The following BMPER variants were observed in gnomAD, a reference collection of about 807,000 sequenced individuals.
BMPER encodes the protein BMP-binding endothelial regulator protein.
Under a neutral mutation model 87.3 loss-of-function variants are expected in BMPER, and 45 were observed. The ratio of observed to expected loss-of-function variants is 0.52; its 90% CI spans 0.41 to 0.66. The LOEUF is 0.66. Among genes scored for constraint, BMPER ranks in the 30% least tolerant of loss-of-function variants. BMPER has a pLI of 0.00. For synonymous variants in BMPER, 326 were observed against 316.2 expected (o/e 1.03, Z -0.33); for missense variants, 784 against 867.5 (o/e 0.90, Z 1.21).
At chr7:33,914,544 C>A (rs1340248487) in intron 2 of BMPER, among the ~76,000 whole-genome samples, 1 of 152,124 alleles carries the variant, frequency 6.6e-6, no homozygotes, top group Non-Finnish European at 1.5e-5. Context: ...GCTTGATAGA[C>A]CTTCAAGGTA....
chr7:34,143,900 T>C (rs1272791176), intron 14 of BMPER, among the ~76,000 whole-genome samples: 1 of 152,194 alleles, frequency 6.6e-6, no homozygotes, highest in Non-Finnish European at 1.5e-5. Flanking sequence ...TGTTACAAAG[T>C]GGCTAGGTAG....
intron 2 of BMPER, among the ~76,000 whole-genome samples, chr7:33,924,570 G>A (rs991953550): frequency 6.6e-6 from 1 of 152,210 alleles, no homozygotes; most frequent in Non-Finnish European, 1.5e-5. Context: ...CCAGTGCCTG[G>A]AGCACACATA....
chr7:34,109,768 A>G (rs1789913920), intron 13 of BMPER, among the ~76,000 whole-genome samples: 1 of 152,140 alleles, frequency 6.6e-6, no homozygotes, highest in Non-Finnish European at 1.5e-5. Context: ...TGAGAAATTC[A>G]TTTTCTTTAC....
intron 9 of BMPER, among the ~76,000 whole-genome samples, chr7:34,057,309 T>C (rs1443716745): frequency 6.6e-6 from 1 of 152,220 alleles, no homozygotes; most frequent in Non-Finnish European, 1.5e-5. Flanking sequence ...CAAGGGCTTT[T>C]TGTGGTATTT....
At chr7:33,946,352 G>A (rs1784894763) in intron 3 of BMPER, among the ~76,000 whole-genome samples, 1 of 152,190 alleles carries the variant, frequency 6.6e-6, no homozygotes, top group Non-Finnish European at 1.5e-5. Context: ...AGTATCAGAA[G>A]GGAAGGAGGT....
chr7:34,142,092 G>C (rs557317192), intron 13 of BMPER, among the ~76,000 whole-genome samples: 1 of 152,120 alleles, frequency 6.6e-6, no homozygotes, highest in Admixed American at 6.5e-5. Context: ...GCTTCTGTGA[G>C]GAAGGGAGTT....
intron 1 of BMPER, 40 bp from the exon 2 acceptor site, chr7:33,906,778 G>A (rs765235612): frequency 2.2e-5 from 35 of 1,558,952 alleles, no homozygotes; most frequent in Non-Finnish European, 3.1e-5. Flanking sequence ...ATGCTGCTAA[G>A]CTAACTTTAA....
In BMPER at chr7:34,066,340, T is replaced by C. The variant is rs188277678; in HGVS notation, c.1078+4293T>C. Among the ~76,000 whole-genome samples the C allele has an allele frequency of 5.8e-3, 878 of 152,358 alleles. 7 individuals carry two copies. The highest frequency in any genetic ancestry group is 9.4e-3 in the Non-Finnish European group (641 of 68,028). ...TCAAAATAGGAGAACAAAAGTCCTC[T>C]TAAAATCAGACCTGAGGGAAGTATG... On this transcript the variant is annotated intron_variant, in intron 11 of 14. Transcript: ENST00000649409.
intron 6 of BMPER, among the ~76,000 whole-genome samples, chr7:34,034,663 G>T (rs1787616346): frequency 6.6e-6 from 1 of 152,176 alleles, no homozygotes; most frequent in Admixed American, 6.5e-5. Context: ...TAAATCAGTA[G>T]GGCCTATACT....
intron 3 of BMPER, among the ~76,000 whole-genome samples, chr7:33,961,905 T>C (rs1330973434): frequency 2.0e-5 from 3 of 152,218 alleles, no homozygotes; most frequent in Non-Finnish European, 2.9e-5. Context: ...TTGTGAAGGC[T>C]TTGGGTACCA....
At chr7:34,033,034 A>G (rs1466596920) in intron 6 of BMPER, among the ~76,000 whole-genome samples, 1 of 152,198 alleles carries the variant, frequency 6.6e-6, no homozygotes, top group South Asian at 2.1e-4. Flanking sequence ...AAAACACTAA[A>G]TGGTCATTGT....
chr7:34,079,660 A>G (rs1191572676), intron 12 of BMPER, among the ~76,000 whole-genome samples: 4 of 152,202 alleles, frequency 2.6e-5, no homozygotes, highest in Non-Finnish European at 5.9e-5. Context: ...GGAGTCCTCA[A>G]AAGTAAACAG....
At chr7:33,911,982 G>C (rs906315668) in intron 2 of BMPER, among the ~76,000 whole-genome samples, 2 of 152,176 alleles carry the variant, frequency 1.3e-5, no homozygotes, top group African/African-American at 4.8e-5. Flanking sequence ...AACAAGGTTT[G>C]TCAGAAATGT....
intron 3 of BMPER, among the ~76,000 whole-genome samples, chr7:33,964,133 T>C (rs1034630102): frequency 3.9e-5 from 6 of 152,196 alleles, no homozygotes; most frequent in South Asian, 4.1e-4. Context: ...GTTTCATGAA[T>C]TAAAATAACA....
rs1448830241 is a variant in BMPER, at chr7:34,143,339, G to A, written c.1855G>A (p.Glu619Lys). The A allele has an allele frequency of 1.2e-6, 2 of 1,613,986 alleles. No individual in the cohort carries two copies. Among genetic ancestry groups the A allele is most frequent in the South Asian group, 2.2e-5 (2 of 91,080 alleles). The stretch of plus-strand genomic sequence containing the variant: ...GAGAGAGGGCATCAAAGTCCACTGG[G>A]AGCCTCAGCAGAATTGTGCAGGTAA... ...CQREGIKVHW[E>K]PQQNCAATQC... Residue 619 changes from glutamate (E) to lysine (K), a missense_variant, in exon 14 of 15, where the codon GAG becomes AAG. Physicochemically the swap from Glu to Lys is moderately conservative, Grantham distance 56 (BLOSUM62 1). Coordinates refer to ENST00000649409, the MANE Select transcript of BMPER (RefSeq NM_001365308.1).
At chr7:33,999,096 G>A (rs1786506104) in intron 6 of BMPER, among the ~76,000 whole-genome samples, 1 of 152,238 alleles carries the variant, frequency 6.6e-6, no homozygotes, top group South Asian at 2.1e-4. Context: ...TAGCAGTGGG[G>A]TGCTTCGCAC....
At chr7:34,102,475 T>C (rs1338820430) in intron 13 of BMPER, among the ~76,000 whole-genome samples, 1 of 152,160 alleles carries the variant, frequency 6.6e-6, no homozygotes, top group Non-Finnish European at 1.5e-5. Flanking sequence ...TTCAGCGGGA[T>C]GGAGGTGGGT....
intron 6 of BMPER, among the ~76,000 whole-genome samples, chr7:33,979,247 C>T (rs918563423): frequency 2.6e-5 from 4 of 151,658 alleles, no homozygotes; most frequent in Non-Finnish European, 5.9e-5. Context: ...TCTGTTTTGC[C>T]TCCAGTCCTT....
At chr7:33,961,792 A>G (rs930907606) in intron 3 of BMPER, among the ~76,000 whole-genome samples, 4 of 152,148 alleles carry the variant, frequency 2.6e-5, no homozygotes, top group African/African-American at 4.8e-5. Context: ...GAACTTGAAC[A>G]TGCATTCAGA....
Sources: gnomAD v4.1 joint callset for allele counts (sites outside exome capture counted in the v4.1 genomes callset) on GRCh38, gnomAD v4.1.1 for gene constraint, MANE v1.5 for transcripts, NCBI Gene and HGNC (gene_info 2026-07-23, HGNC 2026-07-21) for gene names.